THSD7B: variants seen among roughly 807,000 people sequenced by gnomAD.
THSD7B encodes the protein thrombospondin type 1 domain containing 7B, also known as thrombospondin type-1 domain-containing protein 7B.
Under a neutral mutation model 213.6 loss-of-function variants are expected in THSD7B, and 138 were observed. The observed-to-expected ratio is 0.65, with a 90% CI of 0.56 to 0.74. The LOEUF (loss-of-function observed/expected upper bound fraction) is 0.74, where lower values mean the gene tolerates loss of function less well. Among genes scored for constraint, THSD7B ranks in the 30% least tolerant of loss-of-function variants. The probability of loss-of-function intolerance (pLI) is 0.00; values close to 1 mark genes in which losing one functional copy is unlikely to be tolerated. For missense variants in THSD7B, 1,931 were observed against 1,991.5 expected (o/e 0.97, Z 0.58); for synonymous variants, 742 against 687.0 (o/e 1.08, Z -1.25).
At chr2:137,587,398 G>T (rs1306198151) in intron 17 of THSD7B, among the ~76,000 whole-genome samples, 2 of 152,196 alleles carry the variant, frequency 1.3e-5, no homozygotes, top group Non-Finnish European at 1.5e-5. Flanking sequence ...TTCCTTTGGA[G>T]GGGGAGAGGC....
intron 3 of THSD7B, among the ~76,000 whole-genome samples, chr2:137,079,055 G>T (rs1194974882): frequency 1.3e-5 from 2 of 152,090 alleles, no homozygotes; most frequent in East Asian, 1.9e-4. Context: ...ACTGGGTGCA[G>T]TGGGGCACAC....
intron 2 of THSD7B, among the ~76,000 whole-genome samples, chr2:137,034,674 G>A (rs1383874132): frequency 6.6e-6 from 1 of 152,108 alleles, no homozygotes; most frequent in African/African-American, 2.4e-5. Flanking sequence ...ACTTATGAGT[G>A]AGAACATGCC....
At chr2:136,989,376 G>C (rs966165713) in intron 2 of THSD7B, among the ~76,000 whole-genome samples, 2 of 152,114 alleles carry the variant, frequency 1.3e-5, no homozygotes, top group Admixed American at 6.5e-5. Context: ...CTCACTCTGA[G>C]TTCATGTGAG....
intron 3 of THSD7B, among the ~76,000 whole-genome samples, chr2:137,077,974 CT>C: frequency 6.6e-6 from 1 of 152,272 alleles, no homozygotes; most frequent in South Asian, 2.1e-4. Flanking sequence ...ACATTTAAGT[CT>C]TTAATCCATC....
chr2:137,591,177 T>C (rs1047416656), intron 17 of THSD7B, among the ~76,000 whole-genome samples: 3 of 151,938 alleles, frequency 2.0e-5, no homozygotes, highest in African/African-American at 7.2e-5. Context: ...TAATTTATCA[T>C]TTTTAGTTGT....
chr2:137,587,514 G>T (rs561982974), intron 17 of THSD7B, among the ~76,000 whole-genome samples: 25 of 152,132 alleles, frequency 1.6e-4, no homozygotes, highest in Admixed American at 4.6e-4. Context: ...ATGGGGTTTT[G>T]GTGTGGATGT....
intron 17 of THSD7B, among the ~76,000 whole-genome samples, chr2:137,609,359 A>T (rs942412091): frequency 7.2e-5 from 11 of 152,246 alleles, no homozygotes; most frequent in Admixed American, 4.6e-4. Flanking sequence ...TGATATTTTT[A>T]CGTAGCATGA....
chr2:137,121,432 T>C (rs1376986072), intron 5 of THSD7B, among the ~76,000 whole-genome samples: 1 of 152,310 alleles, frequency 6.6e-6, no homozygotes, highest in African/African-American at 2.4e-5. Flanking sequence ...CAATGTGTTA[T>C]ATATTTCTTC....
chr2:137,253,588 G>C (rs1682236151), intron 10 of THSD7B, among the ~76,000 whole-genome samples: 1 of 152,114 alleles, frequency 6.6e-6, no homozygotes, highest in South Asian at 2.1e-4. Flanking sequence ...ATTCTCTGCA[G>C]ACAATATAAT....
intron 2 of THSD7B, among the ~76,000 whole-genome samples, chr2:136,895,892 A>T (rs1301075533): frequency 2.0e-5 from 3 of 152,170 alleles, no homozygotes; most frequent in African/African-American, 7.2e-5. Context: ...AGCTTCTTTC[A>T]TATCACATAA....
intron 15 of THSD7B, among the ~76,000 whole-genome samples, chr2:137,489,261 C>A (rs1266555365): frequency 6.6e-6 from 1 of 151,812 alleles, no homozygotes; most frequent in Admixed American, 6.6e-5. Flanking sequence ...CCCATCTCTA[C>A]TAAAATACAA....
In THSD7B at chr2:137,631,467, C is replaced by A. The variant is rs73961016; in HGVS notation, c.3799+10741C>A. Among the ~76,000 whole-genome samples, 1,190 of 152,070 alleles carry A rather than the reference C, an allele frequency of 7.8e-3. 14 individuals are homozygous for A. The highest frequency in any genetic ancestry group is 0.028 in the African/African-American group (1,146 of 41,474). On this transcript the variant is annotated intron_variant, in intron 20 of 27. Transcript: ENST00000409968. ...TTTATAATATTTTTATATCATATGA[C>A]CCAGCCTACTTCTTGTGTTTCCCAG...
chr2:137,462,602 TG>T (rs1159647203), intron 15 of THSD7B, among the ~76,000 whole-genome samples: 1 of 152,062 alleles, frequency 6.6e-6, no homozygotes, highest in African/African-American at 2.4e-5. Context: ...GCCTCTCCTT[TG>T]TTCTCCAAAG....
chr2:137,124,787 G>C (rs747724737), intron 5 of THSD7B, among the ~76,000 whole-genome samples: 1 of 151,922 alleles, frequency 6.6e-6, no homozygotes, highest in South Asian at 2.1e-4. Flanking sequence ...TTTTGATGTA[G>C]GCATGTATGT....
At chr2:137,565,141 C>T (rs1002635784) in intron 16 of THSD7B, among the ~76,000 whole-genome samples, 9 of 152,054 alleles carry the variant, frequency 5.9e-5, no homozygotes, top group Middle Eastern at 3.2e-3. Context: ...CCAGATTACA[C>T]CTTGATCTCA....
chr2:137,132,984 AT>A (rs1558932920), intron 5 of THSD7B, among the ~76,000 whole-genome samples: 1 of 152,122 alleles, frequency 6.6e-6, no homozygotes, highest in Non-Finnish European at 1.5e-5. Flanking sequence ...ACAGTCTGAC[AT>A]TTTTCTCATG....
At chr2:137,600,291 G>T (rs984368454) in intron 17 of THSD7B, among the ~76,000 whole-genome samples, 1 of 152,128 alleles carries the variant, frequency 6.6e-6, no homozygotes, top group South Asian at 2.1e-4. Flanking sequence ...CCAGTCATGC[G>T]CCACATAACA....
intron 17 of THSD7B, among the ~76,000 whole-genome samples, chr2:137,612,355 A>G (rs1428653146): frequency 6.6e-6 from 1 of 152,138 alleles, no homozygotes; most frequent in Non-Finnish European, 1.5e-5. Flanking sequence ...TGCTGTCTTC[A>G]AGCTTGACTT....
At chr2:137,639,014 T>G (rs1682887275) in intron 20 of THSD7B, among the ~76,000 whole-genome samples, 1 of 151,686 alleles carries the variant, frequency 6.6e-6, no homozygotes, top group Admixed American at 6.6e-5. Flanking sequence ...AAAAGCCATT[T>G]TTTTTTTTTT....
Sources: allele counts gnomAD v4.1 joint callset (sites outside exome capture counted in the v4.1 genomes callset), GRCh38; gene constraint gnomAD v4.1.1; transcripts MANE v1.5; gene names NCBI Gene and HGNC (gene_info 2026-07-23, HGNC 2026-07-21).